The following TAB2 variants were observed in gnomAD, a reference collection of about 807,000 sequenced individuals.
TAB2 encodes TGF-beta-activated kinase 1 and MAP3K7-binding protein 2.
TAB2 carries 3 observed loss-of-function variants against 65.0 expected under a neutral mutation model. That is an observed-to-expected ratio of 0.05 (90% CI 0.02 to 0.12). The LOEUF (loss-of-function observed/expected upper bound fraction) is 0.12, where lower values mean the gene tolerates loss of function less well. TAB2 is among the 10% of genes least tolerant of loss of function. The probability of loss-of-function intolerance (pLI) is 1.00; values close to 1 mark genes in which losing one functional copy is unlikely to be tolerated. For missense variants in TAB2, 623 were observed against 840.3 expected, an observed-to-expected ratio of 0.74 and a Z score of 3.20; for synonymous variants, 298 against 285.1, an observed-to-expected ratio of 1.05 and a Z score of -0.46.
At chr6:149,281,800 G>A (rs1200994786) in intron 1 of TAB2, among the ~76,000 whole-genome samples, 1 of 151,836 alleles carries the variant, frequency 6.6e-6, no homozygotes, top group Admixed American at 6.6e-5. Context: ...AAAAGGCAAA[G>A]ATTGTCAAAT....
upstream of TAB2, among the ~76,000 whole-genome samples, chr6:149,316,956 G>A (rs921021211): frequency 3.3e-5 from 5 of 151,710 alleles, no homozygotes; most frequent in Admixed American, 1.3e-4. Flanking sequence ...CGGCTCCAAG[G>A]GGGTGTGTCC....
chr6:149,265,192 CTTTT>C (rs35409891), intron 1 of TAB2, among the ~76,000 whole-genome samples: 1 of 139,690 alleles, frequency 7.2e-6, no homozygotes. Context: ...GTTCAGAACC[CTTTT>C]TTTTTTTTTT....
chr6:149,283,503 AG>A (rs1778613491), intron 1 of TAB2, among the ~76,000 whole-genome samples: 1 of 152,134 alleles, frequency 6.6e-6, no homozygotes, highest in African/African-American at 2.4e-5. Context: ...TGAGGTCAGG[AG>A]TTGGAGACCA....
At position 149,365,097 on chromosome 6, in the gene TAB2, GT is replaced by G. The variant is rs567384695; in HGVS notation, c.-89-4809del. On this transcript the variant is annotated intron_variant, in intron 1 of 6. Transcript: ENST00000637181. ...TCCTAGATCATTTTAGCTGGTGGAA[GT>G]TTAGATGCCAGAACTTTATACCTAT... Among the ~76,000 whole-genome samples, 520 of 152,250 alleles carry G rather than the reference GT, an allele frequency of 3.4e-3. 1 individual carries two copies. The Middle Eastern group carries it at 0.037, about 11-fold the overall frequency.
chr6:149,324,233 T>C lies in TAB2; in HGVS notation c.-90+6218T>C, dbSNP rs2114735070. On this transcript the variant is annotated intron_variant, in intron 1 of 6. Transcript: ENST00000637181. ...GAGAGAGAGAGAAGCAGCAAGAGTA[T>C]AGGAATGGGGATTTTAGCAGAGATT... Among the ~76,000 whole-genome samples, 3 of 152,022 alleles carry C rather than the reference T, an allele frequency of 2.0e-5. No individual in the cohort carries two copies. The Middle Eastern group carries it at 0.01, about 517-fold the overall frequency.
At chr6:149,328,625 A>G (rs76113739) in intron 1 of TAB2, among the ~76,000 whole-genome samples, 6 of 152,122 alleles carry the variant, frequency 3.9e-5, no homozygotes, top group Middle Eastern at 3.2e-3. Context: ...TACCTTACTT[A>G]TCCAATAGTT....
chr6:149,302,483 G>A (rs1778987080), intron 1 of TAB2, among the ~76,000 whole-genome samples: 1 of 152,112 alleles, frequency 6.6e-6, no homozygotes, highest in Admixed American at 6.5e-5. Context: ...GAGTATAATT[G>A]CCCAAAGGCC....
intron 1 of TAB2, among the ~76,000 whole-genome samples, chr6:149,278,768 G>T (rs552453352): frequency 1.3e-5 from 2 of 152,014 alleles, no homozygotes; most frequent in African/African-American, 4.8e-5. Context: ...AAGAGGAAAG[G>T]AATAAATAAA....
At chr6:149,275,139 T>TATTTTA (rs1554255793) in intron 1 of TAB2, among the ~76,000 whole-genome samples, 1 of 113,480 alleles carries the variant, frequency 8.8e-6, no homozygotes, top group African/African-American at 3.6e-5. Context: ...TTTTTTTTTT[T>TATTTTA]TTTTGAGTTG....
chr6:149,290,280 A>G (rs1778752192), intron 1 of TAB2, among the ~76,000 whole-genome samples: 1 of 152,140 alleles, frequency 6.6e-6, no homozygotes. Context: ...CTGCTTTTGC[A>G]GGAACCCATG....
intron 6 of TAB2, 121 bp downstream of exon 6, chr6:149,399,305 T>C: frequency 1.4e-6 from 1 of 730,682 alleles, no homozygotes; most frequent in Non-Finnish European, 2.4e-6. Flanking sequence ...CTTAAATGAA[T>C]TCATTAAGAA....
chr6:149,286,432 T>A (rs1032938904), intron 1 of TAB2, among the ~76,000 whole-genome samples: 4 of 152,238 alleles, frequency 2.6e-5, no homozygotes, highest in African/African-American at 9.6e-5. Context: ...GGAAAGCATT[T>A]TATAAATCCC....
At chr6:149,231,541 T>C (rs1159424351) in intron 1 of TAB2, among the ~76,000 whole-genome samples, 1 of 152,244 alleles carries the variant, frequency 6.6e-6, no homozygotes, top group African/African-American at 2.4e-5. Flanking sequence ...TAAAGTAAGT[T>C]GAACACGCTT....
chr6:149,245,109 C>T (rs993438256), intron 1 of TAB2: 1 of 152,206 alleles, frequency 6.6e-6, no homozygotes, highest in Non-Finnish European at 1.5e-5. Context: ...CACTCATAAC[C>T]ACGATGCTAA....
chr6:149,270,709 T>C (rs1270263168), intron 1 of TAB2, among the ~76,000 whole-genome samples: 2 of 152,246 alleles, frequency 1.3e-5, no homozygotes, highest in Non-Finnish European at 2.9e-5. Context: ...TTGCACATTT[T>C]CATCACAGAT....
upstream of TAB2, chr6:149,218,062 C>A (rs1035152547): frequency 1.3e-5 from 2 of 152,184 alleles, no homozygotes; most frequent in Non-Finnish European, 2.9e-5. Context: ...GGTCCCTGAG[C>A]TGCAGAACTG....
chr6:149,380,545 T>C (rs1358701650), intron 3 of TAB2, among the ~76,000 whole-genome samples: 2 of 152,234 alleles, frequency 1.3e-5, no homozygotes, highest in Non-Finnish European at 1.5e-5. Context: ...ATATGTTTTA[T>C]CTAACCTCTT....
At chr6:149,372,923 C>A (rs537417282) in intron 2 of TAB2, among the ~76,000 whole-genome samples, 14 of 152,186 alleles carry the variant, frequency 9.2e-5, no homozygotes, top group African/African-American at 3.4e-4. Flanking sequence ...TTTGACAGAT[C>A]CTTCCTGCAG....
intron 1 of TAB2, chr6:149,346,387 G>T (rs1329187814): frequency 6.6e-6 from 1 of 151,106 alleles, no homozygotes; most frequent in Non-Finnish European, 1.5e-5. Flanking sequence ...AGATGAACAG[G>T]AAGAATCATG....
Sources: gnomAD v4.1 joint callset for allele counts (sites outside exome capture counted in the v4.1 genomes callset) on GRCh38, gnomAD v4.1.1 for gene constraint, MANE v1.5 for transcripts, NCBI Gene and HGNC (gene_info 2026-07-23, HGNC 2026-07-21) for gene names.